The following CACNA1C variants were observed in gnomAD, a reference collection of about 807,000 sequenced individuals.
The protein encoded by CACNA1C is voltage-dependent L-type calcium channel subunit alpha-1C.
CACNA1C carries 30 observed loss-of-function variants against 229.0 expected under a neutral mutation model. That is an observed-to-expected ratio of 0.13 (90% confidence interval 0.10 to 0.18). The LOEUF (loss-of-function observed/expected upper bound fraction) is 0.18. Ranked by LOEUF, CACNA1C falls within the 10% of genes least tolerant of loss-of-function variation. The pLI is 1.00. For missense variants in CACNA1C, 1,658 were observed against 2,845.0 expected (o/e 0.58, Z 9.49); for synonymous variants, 1,114 against 1,132.5 (o/e 0.98, Z 0.33).
intron 3 of CACNA1C, among the ~76,000 whole-genome samples, chr12:2,222,938 A>G (rs11062162): frequency 0.4 from 61,495 of 152,062 alleles, 13,197 homozygotes; most frequent in African/African-American, 0.51. Flanking sequence ...GAATAAGGAC[A>G]AAGGAGAAAT....
intron 3 of CACNA1C, among the ~76,000 whole-genome samples, chr12:2,350,462 A>G (rs1046946705): frequency 6.6e-6 from 1 of 152,222 alleles, no homozygotes; most frequent in African/African-American, 2.4e-5. Flanking sequence ...TCAGCCAGAC[A>G]GTCTGGCTCC....
In CACNA1C at chr12:2,031,993, TTGTGTG is replaced by T. The variant is rs60474439; in HGVS notation, c.139+60808_139+60813del. 3.0e-3 allele frequency among the ~76,000 whole-genome samples: 457 copies of T among 151,058 alleles called. 2 individuals are homozygous for T. Among genetic ancestry groups the T allele is most frequent in the Admixed American group, 8.6e-3 (130 of 15,184 alleles). The stretch of plus-strand genomic sequence containing the variant: ...TGTGTGAGTGTGTGTGTGAGTGTGT[TTGTGTG>T]TGTGTGTGTGTGTGTCTGTGTGTAT... On this transcript the variant is annotated intron_variant, in intron 1 of 46. Transcript: ENST00000682462.
intron 3 of CACNA1C, among the ~76,000 whole-genome samples, chr12:2,443,314 G>A (rs2099246813): frequency 6.6e-6 from 1 of 152,222 alleles, no homozygotes; most frequent in South Asian, 2.1e-4. Context: ...CAGTAGGGCA[G>A]TCATTAAAGA....
intron 1 of CACNA1C, among the ~76,000 whole-genome samples, chr12:2,096,579 T>G (rs1399874766): frequency 2.0e-5 from 3 of 152,230 alleles, no homozygotes; most frequent in Non-Finnish European, 2.9e-5. Context: ...CTTTTTGTTA[T>G]GGTAAAATAT....
intron 8 of CACNA1C, 98 bp downstream of exon 8, chr12:2,505,043 C>T: frequency 1.4e-6 from 1 of 720,918 alleles, no homozygotes; most frequent in Non-Finnish European, 2.4e-6. Context: ...CTCTGATGAA[C>T]CTGGGATAAG....
intron 3 of CACNA1C, among the ~76,000 whole-genome samples, chr12:2,218,575 CG>C (rs2060588083): frequency 6.6e-6 from 1 of 152,070 alleles, no homozygotes; most frequent in Admixed American, 6.5e-5. Flanking sequence ...TAGAGCTCAG[CG>C]CATCTTTCAG....
chr12:2,178,305 C>T (rs952510146), intron 3 of CACNA1C, among the ~76,000 whole-genome samples: 1 of 152,132 alleles, frequency 6.6e-6, no homozygotes, highest in Non-Finnish European at 1.5e-5. Flanking sequence ...GGCTGGCTAT[C>T]GAGAAGGGAA....
chr12:2,033,845 G>A (rs1029530854), intron 1 of CACNA1C, among the ~76,000 whole-genome samples: 5 of 152,196 alleles, frequency 3.3e-5, no homozygotes, highest in African/African-American at 1.2e-4. Flanking sequence ...TCCAAATAGA[G>A]GTGGTGAGAG....
chr12:2,437,426 A>G (rs527449495), intron 3 of CACNA1C, among the ~76,000 whole-genome samples: 34 of 152,350 alleles, frequency 2.2e-4, no homozygotes, highest in African/African-American at 7.9e-4. Flanking sequence ...TCTAATCACA[A>G]ACAATGGGAA....
rs530407837 is a variant in CACNA1C, at chr12:2,196,194, G to T, written c.477+75764G>T. ...CAGGCTGGTTTAGGGCAGTGTACCT[G>T]GGGCAAGGAGTCTGGGGTCCTTCTG... On this transcript the variant is annotated intron_variant, in intron 3 of 46. Transcript: ENST00000399655. Among the ~76,000 whole-genome samples the T allele has an allele frequency of 4.8e-3, 725 of 152,324 alleles. 3 individuals carry two copies. The highest frequency in any genetic ancestry group is 0.02 in the Middle Eastern group (6 of 294).
chr12:2,305,361 T>C (rs986849157), intron 3 of CACNA1C, among the ~76,000 whole-genome samples: 7 of 152,228 alleles, frequency 4.6e-5, no homozygotes, highest in African/African-American at 9.6e-5. Flanking sequence ...TGGTGCAGCC[T>C]CAGGTGGAGC....
intron 10 of CACNA1C, among the ~76,000 whole-genome samples, chr12:2,554,967 A>G (rs2043266246): frequency 6.6e-6 from 1 of 152,240 alleles, no homozygotes; most frequent in Admixed American, 6.5e-5. Flanking sequence ...AATTCTGCTC[A>G]CAATCCCGGA....
intron 3 of CACNA1C, among the ~76,000 whole-genome samples, chr12:2,375,233 T>G (rs1190586694): frequency 1.3e-5 from 2 of 152,184 alleles, no homozygotes; most frequent in Non-Finnish European, 2.9e-5. Context: ...GTTGAGACTC[T>G]GCAGAAGAAG....
chr12:2,539,118 G>A (rs2099862859), intron 9 of CACNA1C, among the ~76,000 whole-genome samples: 1 of 152,254 alleles, frequency 6.6e-6, no homozygotes, highest in Non-Finnish European at 1.5e-5. Context: ...TGTCAGTGGG[G>A]ATAATAATAT....
Position 2,665,031 on chromosome 12 carries a change from C to T in CACNA1C, c.4398+41C>T. The T allele has an allele frequency of 6.2e-7, 1 of 1,605,506 alleles. No homozygotes were observed. Among genetic ancestry groups the T allele is most frequent in the South Asian group, 1.1e-5 (1 of 90,820 alleles). ...ACTCAACAGCCAGCAGCCATGACTG[C>T]CCAGTTCCAGGGCAGTCTGAACCGT... is the stretch of plus-strand genomic sequence containing the variant. On this transcript the variant is annotated intron_variant, in intron 35 of 46. Coordinates refer to ENST00000399655, the MANE Select transcript of CACNA1C (RefSeq NM_000719.7). This position sits in a 1 kb window ranked among gnomAD's most constrained non-coding sequence, Gnocchi z 5.9.
At chr12:2,236,609 T>C (rs1443180467) in intron 3 of CACNA1C, among the ~76,000 whole-genome samples, 1 of 152,192 alleles carries the variant, frequency 6.6e-6, no homozygotes, top group Admixed American at 6.5e-5. Context: ...TAGGCTACTT[T>C]AGTCCTAACT....
At chr12:2,340,549 G>A (rs182633326) in intron 3 of CACNA1C, among the ~76,000 whole-genome samples, 3 of 152,334 alleles carry the variant, frequency 2.0e-5, no homozygotes, top group East Asian at 1.9e-4. Context: ...CCAAGCTGGG[G>A]CATTCTTATT....
At chr12:2,499,705 T>A (rs946084493) in intron 7 of CACNA1C, among the ~76,000 whole-genome samples, 3 of 152,166 alleles carry the variant, frequency 2.0e-5, no homozygotes, top group Admixed American at 2.0e-4. Context: ...GAGCTGACTT[T>A]CCTTAGGAAA....
rs200941579 is a variant in CACNA1C, at chr12:2,115,245, G to A, written c.71G>A (p.Arg24His). ...ACAGGTTCCAACTATGGGAGCCCACGCCCCGCCCATGCCAACATGAATGCC... is the reference window on the plus strand; with the variant it reads ...ACAGGTTCCAACTATGGGAGCCCACACCCCGCCCATGCCAACATGAATGCC... ...NHQGSNYGSPRPAHANMNANA... is the reference protein window; with the variant it reads ...NHQGSNYGSPHPAHANMNANA... Residue 24 changes from arginine (R) to histidine (H), a missense_variant, in exon 2 of 47, where the codon CGC becomes CAC. Arg to His is a conservative substitution (Grantham distance 29). Coordinates refer to ENST00000399655, the MANE Select transcript of CACNA1C (RefSeq NM_000719.7). The A allele has an allele frequency of 1.6e-5, 25 of 1,580,030 alleles. No individual in the cohort carries two copies. The highest frequency in any genetic ancestry group is 8.8e-5 in the Admixed American group (5 of 57,110).
Sources: gnomAD v4.1 joint callset for allele counts (sites outside exome capture counted in the v4.1 genomes callset) on GRCh38, gnomAD v4.1.1 for gene constraint, Gnocchi (gnomAD v3.1) non-coding constraint, MANE v1.5 for transcripts, NCBI Gene and HGNC (gene_info 2026-07-23, HGNC 2026-07-21) for gene names.